Variants in MTUS1 observed in about 807,000 individuals in gnomAD.
MTUS1 encodes microtubule associated scaffold protein 1.
MTUS1 carries 109 observed loss-of-function variants against 120.8 expected under a neutral mutation model. The observed-to-expected ratio is 0.90, with a 90% CI of 0.77 to 1.06. The LOEUF (loss-of-function observed/expected upper bound fraction) is 1.06, where lower values mean the gene tolerates loss of function less well. Ranked by LOEUF, MTUS1 falls within the 50% of genes least tolerant of loss-of-function variation. MTUS1 has a pLI of 0.00. For missense variants in MTUS1, 2,210 were observed against 1,486.3 expected (o/e 1.49, Z -8.01); for synonymous variants, 737 against 550.5 (o/e 1.34, Z -4.74).
chr8:17,645,977 C>T lies in MTUS1; in HGVS notation c.3762G>A (p.Gln1254=). The change falls in exon 15 of 15, where the codon CAG becomes CAA. Residue 1254 remains glutamine (Q), a synonymous_variant. Coordinates refer to ENST00000693296, the MANE Select transcript of MTUS1 (RefSeq NM_001363059.2). ...GGAAGGAGCCCGAATTCCTTGGTGACTGCAAAGGGATGGCGGAGGATGTGG... is the reference window on the plus strand; with the variant it reads ...GGAAGGAGCCCGAATTCCTTGGTGATTGCAAAGGGATGGCGGAGGATGTGG... ...RSPTSSAIPL[Q]SPRNSGSFPS... is the part of the protein sequence containing the mutation. 4 of 1,613,438 alleles carry T rather than the reference C, an allele frequency of 2.5e-6. No individual in the cohort carries two copies. Among genetic ancestry groups the T allele is most frequent in the Non-Finnish European group, 3.4e-6 (4 of 1,179,968 alleles).
chr8:17,677,896 G>C (rs533467220), intron 7 of MTUS1, among the ~76,000 whole-genome samples: 1 of 152,204 alleles, frequency 6.6e-6, no homozygotes, highest in African/African-American at 2.4e-5. Flanking sequence ...AATTAACTAA[G>C]CATTTTTCAT....
rs551457769 is a variant in MTUS1, at chr8:17,679,486, A to G, written c.2839-4234T>C. On this transcript the variant is annotated intron_variant, in intron 7 of 14. Transcript: ENST00000693296. ...TGATTTTTTTTCTCCAACTATTTTT[A>G]TTTTATTTATTTATTTATTTATTTA... Among the ~76,000 whole-genome samples, 55 of 149,396 alleles carry G rather than the reference A, an allele frequency of 3.7e-4. 2 individuals are homozygous for G. The South Asian group carries it at 0.011, about 30-fold the overall frequency.
intron 7 of MTUS1, among the ~76,000 whole-genome samples, chr8:17,679,495 A>T (rs1237914451): frequency 1.0e-5 from 1 of 95,382 alleles, no homozygotes; most frequent in African/African-American, 3.2e-5. Context: ...TATTTTATTT[A>T]TTTATTTATT....
At chr8:17,761,058 C>G (rs1425697108) in intron 1 of MTUS1, among the ~76,000 whole-genome samples, 1 of 152,018 alleles carries the variant, frequency 6.6e-6, no homozygotes, top group African/African-American at 2.4e-5. Flanking sequence ...AGAACAAATT[C>G]CCCACTTATT....
intron 6 of MTUS1, among the ~76,000 whole-genome samples, chr8:17,709,695 G>C (rs1375599015): frequency 6.6e-6 from 1 of 152,036 alleles, no homozygotes; most frequent in East Asian, 1.9e-4. Flanking sequence ...GTGTGCAACA[G>C]CATTATGTCT....
intron 12 of MTUS1, among the ~76,000 whole-genome samples, chr8:17,651,429 T>C (rs1258534988): frequency 1.3e-5 from 2 of 152,154 alleles, no homozygotes; most frequent in African/African-American, 4.8e-5. Flanking sequence ...AGTCTATGAT[T>C]GTCTCAACAC....
At chr8:17,729,406 C>T (rs1298211195) in intron 3 of MTUS1, among the ~76,000 whole-genome samples, 2 of 152,048 alleles carry the variant, frequency 1.3e-5, no homozygotes, top group South Asian at 2.1e-4. Context: ...TTAAATAAAC[C>T]TGATGGGCTT....
intron 6 of MTUS1, among the ~76,000 whole-genome samples, chr8:17,703,040 T>C (rs1819415049): frequency 6.6e-6 from 1 of 152,176 alleles, no homozygotes; most frequent in South Asian, 2.1e-4. Context: ...AACTGAACAA[T>C]CTGATTGCAA....
At chr8:17,733,095 A>C (rs1044391409) in intron 3 of MTUS1, among the ~76,000 whole-genome samples, 1 of 152,204 alleles carries the variant, frequency 6.6e-6, no homozygotes, top group African/African-American at 2.4e-5. Flanking sequence ...TCACGCCCGT[A>C]ATCCCAGCAC....
chr8:17,699,371 T>G (rs966379002), intron 6 of MTUS1, among the ~76,000 whole-genome samples: 30 of 152,092 alleles, frequency 2.0e-4, no homozygotes, highest in Non-Finnish European at 2.9e-5. Context: ...CCCGCCACCA[T>G]GCCTGGCTAA....
At chr8:17,792,403 C>G (rs1371600167) in intron 1 of MTUS1, among the ~76,000 whole-genome samples, 1 of 152,188 alleles carries the variant, frequency 6.6e-6, no homozygotes, top group Admixed American at 6.5e-5. Flanking sequence ...CCAGAACTTT[C>G]CAACAAAATA....
chr8:17,760,684 CAA>C (rs1007668903), intron 1 of MTUS1, among the ~76,000 whole-genome samples: 53 of 152,022 alleles, frequency 3.5e-4, no homozygotes, highest in African/African-American at 1.3e-3. Flanking sequence ...GACTCATAAG[CAA>C]AGTCTTCATA....
intron 1 of MTUS1, among the ~76,000 whole-genome samples, chr8:17,788,213 A>G (rs987626523): frequency 7.2e-5 from 11 of 152,350 alleles, no homozygotes; most frequent in Admixed American, 3.3e-4. Flanking sequence ...AAACTCATAT[A>G]ATTGCACACT....
In MTUS1 at chr8:17,684,527, T is replaced by G. The variant is rs777058572; in HGVS notation, c.2639A>C (p.Gln880Pro). ...TALNAVEKSR[Q>P]KNPRSLCIQP... ...GATACATAAGCTTCGAGGATTCTTTTGCCTGCTCTTTTCAACTGCAAAACG... is the reference window on the plus strand; with the variant it reads ...GATACATAAGCTTCGAGGATTCTTTGGCCTGCTCTTTTCAACTGCAAAACG... The change falls in exon 7 of 15, where the codon CAA becomes CCA. Residue 880 changes from glutamine to proline, a missense_variant. By Grantham distance (76) the Gln-to-Pro change is moderately conservative. Transcript: ENST00000693296. The G allele has an allele frequency of 4.3e-6, 7 of 1,613,840 alleles. No homozygotes were observed. The highest frequency in any genetic ancestry group is 5.1e-6 in the Non-Finnish European group (6 of 1,179,960).
At chr8:17,752,033 A>G (rs2048240360) in intron 2 of MTUS1, among the ~76,000 whole-genome samples, 1 of 152,136 alleles carries the variant, frequency 6.6e-6, no homozygotes, top group African/African-American at 2.4e-5. Context: ...TGTTTCTCCA[A>G]GACATACTAG....
At chr8:17,798,864 A>G (rs1324156109) in intron 1 of MTUS1, among the ~76,000 whole-genome samples, 1 of 152,194 alleles carries the variant, frequency 6.6e-6, no homozygotes, top group African/African-American at 2.4e-5. Context: ...GAATTAATGG[A>G]AAAATACTAA....
chr8:17,722,597 G>C, intron 4 of MTUS1: 1 of 984,844 alleles, frequency 1.0e-6, no homozygotes. Flanking sequence ...ACTGCTGCTA[G>C]GTGACCCGTC....
chr8:17,682,870 ATAC>A (rs1399204816), intron 7 of MTUS1, among the ~76,000 whole-genome samples: 2 of 152,178 alleles, frequency 1.3e-5, no homozygotes, highest in African/African-American at 2.4e-5. Flanking sequence ...AAAATACCAT[ATAC>A]TATTACCGTT....
intron 6 of MTUS1, among the ~76,000 whole-genome samples, chr8:17,694,492 C>G (rs1378590654): frequency 6.6e-6 from 1 of 151,842 alleles, no homozygotes; most frequent in Non-Finnish European, 1.5e-5. Flanking sequence ...ATGGTGAAAC[C>G]CCATCTCTAT....
Sources: allele counts gnomAD v4.1 joint callset (sites outside exome capture counted in the v4.1 genomes callset), GRCh38; gene constraint gnomAD v4.1.1; transcripts MANE v1.5; gene names NCBI Gene and HGNC (gene_info 2026-07-23, HGNC 2026-07-21).